CCDC146: variants seen among roughly 807,000 people sequenced by gnomAD.
CCDC146 encodes coiled-coil domain-containing protein 146.
Under a neutral mutation model 119.3 loss-of-function variants are expected in CCDC146, and 92 were observed. That is an observed-to-expected ratio of 0.77 (90% CI 0.65 to 0.92). The LOEUF is 0.92. CCDC146 is among the 40% of genes least tolerant of loss of function. The pLI is 0.00. For synonymous variants in CCDC146, 372 were observed against 371.8 expected (o/e 1.00, Z -0.01); for missense variants, 1,000 against 1,103.0 (o/e 0.91, Z 1.32).
intron 2 of CCDC146, among the ~76,000 whole-genome samples, chr7:77,215,824 A>G (rs1403093320): frequency 6.6e-6 from 1 of 152,116 alleles, no homozygotes. Flanking sequence ...TTAGGGCAAA[A>G]TCTACTTAGG....
At chr7:77,177,048 C>T (rs1478292575) in intron 2 of CCDC146, among the ~76,000 whole-genome samples, 1 of 151,902 alleles carries the variant, frequency 6.6e-6, no homozygotes, top group Non-Finnish European at 1.5e-5. Flanking sequence ...GTTGTCCAGG[C>T]TGGTCTCAAA....
intron 2 of CCDC146, chr7:77,199,165 A>T: frequency 1.9e-6 from 3 of 1,597,334 alleles, no homozygotes; most frequent in Non-Finnish European, 2.6e-6. Context: ...TGATAAGAAA[A>T]CATTATTATA....
chr7:77,144,075 A>G (rs181691830), intron 1 of CCDC146, among the ~76,000 whole-genome samples: 2,477 of 151,714 alleles, frequency 0.016, 129 homozygotes, highest in African/African-American at 0.057. Flanking sequence ...ATTTGTTTGT[A>G]TCTTCTTTTA....
chr7:77,199,734 C>T, intron 2 of CCDC146: 1 of 1,614,040 alleles, frequency 6.2e-7, no homozygotes, highest in Non-Finnish European at 8.5e-7. Flanking sequence ...TTGCCACAAC[C>T]AAAAAACCGT....
chr7:77,286,858 G>A lies in CCDC146; in HGVS notation c.2209G>A (p.Glu737Lys). ...GAAACAGTTCGTAAAGCCTGATGGTGAGAATAGAGCTCGCTTCCTTCCAGG... is the reference window on the plus strand; with the variant it reads ...GAAACAGTTCGTAAAGCCTGATGGTAAGAATAGAGCTCGCTTCCTTCCAGG... The part of the protein sequence containing the change: ...LEKQFVKPDG[E>K]NRARFLPGKD... The change falls in exon 16 of 19, where the codon GAG becomes AAG. Residue 737 changes from glutamate to lysine, a missense_variant. This residue lies in a region of CCDC146 where 985 missense variants were observed against 1,045.3 expected (regional missense o/e 0.94). Transcript: ENST00000285871. 1 of 1,614,014 alleles carries A rather than the reference G, an allele frequency of 6.2e-7. No individual in the cohort carries two copies. Among genetic ancestry groups the A allele is most frequent in the Non-Finnish European group, 8.5e-7 (1 of 1,179,866 alleles).
chr7:77,287,034 TC>T, intron 16 of CCDC146, 108 bp downstream of exon 16: 1 of 1,191,060 alleles, frequency 8.4e-7, no homozygotes, highest in Non-Finnish European at 1.2e-6. Context: ...CCTTCATTAT[TC>T]TAGTCACTAA....
At chr7:77,142,050 A>G (rs1790940586) in intron 1 of CCDC146, among the ~76,000 whole-genome samples, 1 of 151,996 alleles carries the variant, frequency 6.6e-6, no homozygotes, top group African/African-American at 2.4e-5. Flanking sequence ...GGTTTTAGGT[A>G]TTGATGGAAT....
rs951303370 is a variant in CCDC146, at chr7:77,273,628, C to A, written c.1174-66C>A. Reference sequence around the variant, plus strand: ...TTCTGCCTCCCGGGTTCAAGCAATTCTCTGCCTCAGCCTCCCAAAGATTTA... The same window carrying A: ...TTCTGCCTCCCGGGTTCAAGCAATTATCTGCCTCAGCCTCCCAAAGATTTA... On this transcript the variant is annotated intron_variant, in intron 9 of 18. Coordinates refer to ENST00000285871, the MANE Select transcript of CCDC146 (RefSeq NM_020879.3). The A allele has an allele frequency of 3.2e-5, 39 of 1,233,990 alleles. 1 individual carries two copies. Among genetic ancestry groups the A allele is most frequent in the Middle Eastern group, 1.9e-4 (1 of 5,176 alleles). 76.4% of individuals were successfully genotyped at this position (1,233,990 alleles called of 1,614,324 possible).
Position 77,150,598 on chromosome 7 carries a change from G to A in CCDC146, c.-11-17060G>A, listed in dbSNP as rs537234682. 2.6e-4 allele frequency among the ~76,000 whole-genome samples: 40 copies of A among 152,274 alleles called. No individual in the cohort carries two copies. The East Asian group carries it at 6.0e-3, about 23-fold the overall frequency. ...TGTGGAGCAGCGGGAACCCTGGTAC[G>A]TTATTGGTAGGAATATAAAAAGTAC... is the stretch of plus-strand genomic sequence containing the variant. On this transcript the variant is annotated intron_variant, in intron 1 of 18. Coordinates refer to ENST00000285871, the MANE Select transcript of CCDC146 (RefSeq NM_020879.3).
At chr7:77,177,653 A>T (rs1171601300) in intron 2 of CCDC146, among the ~76,000 whole-genome samples, 2 of 152,212 alleles carry the variant, frequency 1.3e-5, no homozygotes, top group African/African-American at 4.8e-5. Flanking sequence ...CTCTGTTTAA[A>T]TATTTCTAGT....
At chr7:77,144,236 A>G (rs1264486148) in intron 1 of CCDC146, among the ~76,000 whole-genome samples, 2 of 151,570 alleles carry the variant, frequency 1.3e-5, no homozygotes, top group African/African-American at 4.9e-5. Context: ...TTGGTGTATA[A>G]GAATGCTTGT....
chr7:77,273,587 C>G (rs1793568022), intron 9 of CCDC146, 107 bp from the exon 10 acceptor site: 3 of 646,238 alleles, frequency 4.6e-6, no homozygotes, highest in Admixed American at 4.3e-5. Context: ...GTGGCACGAT[C>G]TCAGCTCACT....
At chr7:77,267,006 T>A in intron 9 of CCDC146, among the ~76,000 whole-genome samples, 1 of 151,808 alleles carries the variant, frequency 6.6e-6, no homozygotes, top group South Asian at 2.1e-4. Flanking sequence ...TTTTTTTTTT[T>A]TTTGAGACAG....
chr7:77,199,006 G>T (rs1460614043), intron 2 of CCDC146: 14 of 613,194 alleles, frequency 2.3e-5, no homozygotes, highest in South Asian at 1.7e-4. Context: ...TTTGTAATTA[G>T]GTCATATTTA....
In CCDC146 at chr7:77,164,703, T is replaced by A. The variant is rs569013792; in HGVS notation, c.-11-2955T>A. On this transcript the variant is annotated intron_variant, in intron 1 of 18. Transcript: ENST00000285871. ...TTTGAAACATAAAAATTAGTTGTTGTTTTGTTTTACTAATTTTACCCCATT... is the reference window on the plus strand; with the variant it reads ...TTTGAAACATAAAAATTAGTTGTTGATTTGTTTTACTAATTTTACCCCATT... Among the ~76,000 whole-genome samples the A allele has an allele frequency of 4.6e-5, 7 of 152,310 alleles. No individual in the cohort carries two copies. In the East Asian group the frequency reaches 1.3e-3, roughly 29 times the overall value.
intron 2 of CCDC146, among the ~76,000 whole-genome samples, chr7:77,235,255 A>G (rs999373703): frequency 1.3e-5 from 2 of 152,140 alleles, no homozygotes; most frequent in African/African-American, 2.4e-5. Flanking sequence ...ATGTAAGTAA[A>G]TTTATTCTTG....
intron 1 of CCDC146, among the ~76,000 whole-genome samples, chr7:77,160,595 C>T (rs966413468): frequency 2.0e-5 from 3 of 152,104 alleles, no homozygotes; most frequent in Admixed American, 1.3e-4. Context: ...TATAGGAATG[C>T]TTGTGATTTT....
At chr7:77,269,570 T>C (rs1464314087) in intron 9 of CCDC146, among the ~76,000 whole-genome samples, 4 of 152,240 alleles carry the variant, frequency 2.6e-5, no homozygotes, top group Non-Finnish European at 4.4e-5. Context: ...ATGTGAGGCA[T>C]GGCCTTTGAC....
At chr7:77,124,937 A>ATTTAGCCTGG (rs1790672007) in intron 1 of CCDC146, among the ~76,000 whole-genome samples, 1 of 152,090 alleles carries the variant, frequency 6.6e-6, no homozygotes, top group African/African-American at 2.4e-5. Context: ...TCATGCCTGT[A>ATTTAGCCTGG]ATTTCAGCAC....
Sources: gnomAD v4.1 joint callset for allele counts (sites outside exome capture counted in the v4.1 genomes callset) on GRCh38, gnomAD v4.1.1 for gene constraint, gnomAD v4.1.1 regional missense constraint, MANE v1.5 for transcripts, NCBI Gene and HGNC (gene_info 2026-07-23, HGNC 2026-07-21) for gene names.